PCDHGB2: variants seen among roughly 807,000 people sequenced by gnomAD.
PCDHGB2 encodes the protein protocadherin gamma-B2.
A neutral mutation model predicts 59.3 loss-of-function variants in PCDHGB2; 55 were observed. The observed-to-expected ratio is 0.93, with a 90% confidence interval of 0.75 to 1.16. The LOEUF is 1.16. PCDHGB2 is among the 50% of genes most tolerant of loss of function. The pLI is 0.00. For synonymous variants in PCDHGB2, 516 were observed against 512.0 expected, an observed-to-expected ratio of 1.01 and a Z score of -0.11; for missense variants, 1,228 against 1,198.5, an observed-to-expected ratio of 1.02 and a Z score of -0.36.
In PCDHGB2 at chr5:141,510,834, G is replaced by A. The variant is rs1043468083; in HGVS notation, c.2570-113G>A. 49 of 1,581,762 alleles carry A rather than the reference G, an allele frequency of 3.1e-5. 1 individual carries two copies. The highest frequency in any genetic ancestry group is 4.0e-5 in the Non-Finnish European group (46 of 1,161,670). On this transcript the variant is annotated intron_variant, in intron 3 of 3. Coordinates refer to ENST00000522605, the MANE Select transcript of PCDHGB2 (RefSeq NM_018923.3). ...GACCCCTATATTCCCAGTGCTCAGC[G>A]TGGTCAAGGCCCAGGGTGCTGTATA...
chr5:141,413,639 G>A (rs893578830), intron 1 of PCDHGB2: 2 of 1,613,854 alleles, frequency 1.2e-6, no homozygotes, highest in Non-Finnish European at 1.7e-6. Context: ...GCGGGAATGC[G>A]TTTTCCTCTC....
intron 1 of PCDHGB2, among the ~76,000 whole-genome samples, chr5:141,464,265 AAAAAAAAAAAAAGC>A (rs1446781862): frequency 7.4e-6 from 1 of 135,276 alleles, no homozygotes; most frequent in Non-Finnish European, 1.6e-5. Flanking sequence ...ACTCCGTCTA[AAAAAAAAAAAAAGC>A]AAAAAAAAAA....
At chr5:141,413,702 T>G (rs1448671585) in intron 1 of PCDHGB2, 4 of 1,613,606 alleles carry the variant, frequency 2.5e-6, no homozygotes, top group Non-Finnish European at 3.4e-6. Flanking sequence ...AGCTATCAGC[T>G]CAGCCCCAAT....
rs1439461935 is a variant in PCDHGB2 at position 141,511,976 on chromosome 5, G to A, written c.*803G>A. ...ATAAGGAAGGGAAGTGTGTGGATGT[G>A]GATGGTGGGGGCATGGACAAAGCTT... is the stretch of plus-strand genomic sequence containing the variant. On this transcript the variant is annotated 3_prime_UTR_variant, in exon 4 of 4. Coordinates refer to ENST00000522605, the MANE Select transcript of PCDHGB2 (RefSeq NM_018923.3). 6.5e-6 allele frequency: 1 copy of A among 153,384 alleles called. No homozygotes were observed. Among genetic ancestry groups the A allele is most frequent in the Non-Finnish European group, 1.5e-5 (1 of 68,664 alleles). 9.5% of individuals were successfully genotyped at this position (153,384 alleles called of 1,614,324 possible).
At chr5:141,507,380 C>G (rs984406173) in intron 3 of PCDHGB2, 1 of 151,954 alleles carries the variant, frequency 6.6e-6, no homozygotes, top group African/African-American at 2.4e-5. Flanking sequence ...CTTTTATTTA[C>G]TAAATCTGGC....
chr5:141,375,829 A>G, intron 1 of PCDHGB2: 1 of 1,614,140 alleles, frequency 6.2e-7, no homozygotes, highest in African/African-American at 1.3e-5. Context: ...CCCGCTCCGC[A>G]GAGCCCGGCT....
At chr5:141,466,019 G>C (rs1466918487) in intron 1 of PCDHGB2, among the ~76,000 whole-genome samples, 1 of 152,062 alleles carries the variant, frequency 6.6e-6, no homozygotes, top group African/African-American at 2.4e-5. Flanking sequence ...CTACTCGGGA[G>C]GGTGAGGCAG....
chr5:141,447,449 C>A (rs2098539583), intron 1 of PCDHGB2, among the ~76,000 whole-genome samples: 1 of 152,058 alleles, frequency 6.6e-6, no homozygotes, highest in Non-Finnish European at 1.5e-5. Flanking sequence ...AAATTTTTAA[C>A]CTCAGTTTTT....
At chr5:141,423,669 T>C in intron 1 of PCDHGB2, 1 of 1,554,480 alleles carries the variant, frequency 6.4e-7, no homozygotes, top group Non-Finnish European at 8.7e-7. Flanking sequence ...AGGTGAGATT[T>C]ATTTCTCTGC....
chr5:141,499,888 A>G (rs574246186), intron 2 of PCDHGB2, among the ~76,000 whole-genome samples: 105 of 152,174 alleles, frequency 6.9e-4, no homozygotes, highest in African/African-American at 2.4e-3. Flanking sequence ...GGGTTTCGCC[A>G]TGTTGGCCAG....
chr5:141,435,686 T>C (rs2097774326), intron 1 of PCDHGB2, among the ~76,000 whole-genome samples: 1 of 152,340 alleles, frequency 6.6e-6, no homozygotes, highest in Non-Finnish European at 1.5e-5. Flanking sequence ...GAGAACTTTA[T>C]GCTTATTGTA....
At chr5:141,466,983 C>A (rs2099133398) in intron 1 of PCDHGB2, among the ~76,000 whole-genome samples, 1 of 151,884 alleles carries the variant, frequency 6.6e-6, no homozygotes, top group African/African-American at 2.4e-5. Context: ...TCATCATTTA[C>A]CTTTTGGCAT....
At chr5:141,440,221 C>A (rs557068282) in intron 1 of PCDHGB2, 2 of 152,450 alleles carry the variant, frequency 1.3e-5, no homozygotes, top group Admixed American at 6.5e-5. Context: ...GTAATCCCAG[C>A]ACTTTGGGAG....
chr5:141,510,833 C>T (rs2099882936), intron 3 of PCDHGB2, 114 bp from the exon 4 acceptor site: 46 of 1,577,678 alleles, frequency 2.9e-5, no homozygotes, highest in South Asian at 2.5e-4. Context: ...CAGTGCTCAG[C>T]GTGGTCAAGG....
intron 2 of PCDHGB2, among the ~76,000 whole-genome samples, chr5:141,500,184 T>TTTTTTTTA (rs1554186429): frequency 7.8e-4 from 106 of 135,966 alleles, no homozygotes; most frequent in African/African-American, 2.4e-3. Context: ...TCATTTTTAT[T>TTTTTTTTA]TTTATTTATT....
In PCDHGB2 at chr5:141,477,625, C is replaced by T; in HGVS notation, c.2422-17182C>T. ...TTCTCTTGGAGCAAGGAGCTGAAACCGGGCTAGTGGGTCGCTATTTCACAA... is the reference window on the plus strand; with the variant it reads ...TTCTCTTGGAGCAAGGAGCTGAAACTGGGCTAGTGGGTCGCTATTTCACAA... On this transcript the variant is annotated intron_variant, in intron 1 of 3. Coordinates refer to ENST00000522605, the MANE Select transcript of PCDHGB2 (RefSeq NM_018923.3). This position sits in a 1 kb window ranked among gnomAD's most constrained non-coding sequence, Gnocchi z 4.9. The T allele has an allele frequency of 1.2e-6, 2 of 1,614,200 alleles. No homozygotes were observed. Among genetic ancestry groups the T allele is most frequent in the Non-Finnish European group, 1.7e-6 (2 of 1,180,046 alleles).
chr5:141,387,422 TA>T (rs1406219674), intron 1 of PCDHGB2, among the ~76,000 whole-genome samples: 1 of 152,248 alleles, frequency 6.6e-6, no homozygotes, highest in Non-Finnish European at 1.5e-5. Context: ...CTTATGTCAA[TA>T]AATGTTTATG....
intron 1 of PCDHGB2, chr5:141,385,702 C>A: frequency 3.6e-6 from 1 of 278,020 alleles, no homozygotes; most frequent in Non-Finnish European, 5.7e-6. Context: ...TTCTCTTTAG[C>A]ATTCAAATAT....
Position 141,360,360 on chromosome 5 carries a change from C to T in PCDHGB2, c.225C>T (p.Phe75=). The T allele has an allele frequency of 6.2e-7, 1 of 1,613,892 alleles. No homozygotes were observed. Among genetic ancestry groups the T allele is most frequent in the Non-Finnish European group, 8.5e-7 (1 of 1,179,828 alleles). ...GGGTTAGCGCGGAGAAGGAATATTTCACAGTAAACCCAGAAAGCGGAGACT... is the reference window on the plus strand; with the variant it reads ...GGGTTAGCGCGGAGAAGGAATATTTTACAGTAAACCCAGAAAGCGGAGACT... ...KLRVSAEKEY[F]TVNPESGDLL... is the part of the protein sequence containing the mutation. Residue 75 remains phenylalanine, a synonymous_variant, in exon 1 of 4, where the codon TTC becomes TTT. Transcript: ENST00000522605.
Sources: allele counts gnomAD v4.1 joint callset (sites outside exome capture counted in the v4.1 genomes callset), GRCh38; gene constraint gnomAD v4.1.1; non-coding constraint Gnocchi (gnomAD v3.1); transcripts MANE v1.5; gene names NCBI Gene and HGNC (gene_info 2026-07-23, HGNC 2026-07-21).